The following SCAF11 variants were observed in gnomAD, a reference collection of about 807,000 sequenced individuals.
SCAF11 encodes the protein protein SCAF11.
SCAF11 carries 47 observed loss-of-function variants against 140.5 expected under a neutral mutation model. That is an observed-to-expected ratio of 0.33 (90% CI 0.26 to 0.43). The LOEUF is 0.43. Among genes scored for constraint, SCAF11 ranks in the 20% least tolerant of loss-of-function variants. The pLI, the probability that SCAF11 is intolerant of heterozygous loss-of-function variation, is 1.00. For synonymous variants in SCAF11, 557 were observed against 579.4 expected (o/e 0.96, Z 0.55); for missense variants, 1,645 against 1,705.1 (o/e 0.96, Z 0.62).
Position 45,945,316 on chromosome 12 carries a change from G to A in SCAF11, c.399-3C>T, listed in dbSNP as rs1176036239. 1.3e-6 allele frequency: 2 copies of A among 1,536,476 alleles called. No homozygotes were observed. Among genetic ancestry groups the A allele is most frequent in the African/African-American group, 2.8e-5 (2 of 71,452 alleles). ...CTTCTCTTACGATGGCTTTTCTTCTGTAAACATCAATAAAGACAGGAAAGA... is the reference window on the plus strand; with the variant it reads ...CTTCTCTTACGATGGCTTTTCTTCTATAAACATCAATAAAGACAGGAAAGA... On this transcript the variant is annotated splice_polypyrimidine_tract_variant and splice_region_variant and intron_variant, in intron 5 of 14. Transcript: ENST00000369367.
At chr12:45,940,014 C>T (rs115020580) in intron 6 of SCAF11, among the ~76,000 whole-genome samples, 208 of 152,268 alleles carry the variant, frequency 1.4e-3, no homozygotes, top group African/African-American at 4.4e-3. Context: ...TTTTCTGTTG[C>T]GTGACAGACT....
At chr12:45,931,680 T>G in intron 9 of SCAF11, 68 bp from the exon 10 acceptor site, 1 of 783,100 alleles carries the variant, frequency 1.3e-6, no homozygotes, top group South Asian at 2.2e-5. Flanking sequence ...TTAAAAGTAT[T>G]AATTCTCTAA....
At chr12:45,942,683 T>C (rs976548642) in intron 6 of SCAF11, among the ~76,000 whole-genome samples, 8 of 152,208 alleles carry the variant, frequency 5.3e-5, no homozygotes, top group Non-Finnish European at 8.8e-5. Context: ...GATATCTTCA[T>C]GGCTTAACTT....
At chr12:45,971,296 T>C (rs183492248) in intron 1 of SCAF11, among the ~76,000 whole-genome samples, 2 of 152,218 alleles carry the variant, frequency 1.3e-5, no homozygotes, top group Admixed American at 6.5e-5. Flanking sequence ...AAAGTTGGCA[T>C]TACATTCCAA....
chr12:45,963,484 T>C (rs1448271850), intron 2 of SCAF11, among the ~76,000 whole-genome samples: 1 of 152,162 alleles, frequency 6.6e-6, no homozygotes, highest in Non-Finnish European at 1.5e-5. Context: ...TTCAGAATTA[T>C]ATACCCAGTA....
chr12:45,950,074 A>C (rs1360639718), intron 4 of SCAF11, among the ~76,000 whole-genome samples: 1 of 152,156 alleles, frequency 6.6e-6, no homozygotes, highest in East Asian at 1.9e-4. Flanking sequence ...CCCACAAGAG[A>C]AGGATGTTTT....
intron 1 of SCAF11, among the ~76,000 whole-genome samples, chr12:45,981,732 T>C (rs1339967961): frequency 6.6e-6 from 1 of 152,110 alleles, no homozygotes; most frequent in Non-Finnish European, 1.5e-5. Flanking sequence ...GAGGTTAAGG[T>C]TGCAGGGAAC....
Position 45,927,348 on chromosome 12 carries a change from T to G in SCAF11, c.2353A>C (p.Lys785Gln). ...CTAGATCTTCGAGTACGAGGCTTTTTGGTTTTATCTATGGTATCTTTTGGG... is the reference window on the plus strand; with the variant it reads ...CTAGATCTTCGAGTACGAGGCTTTTGGGTTTTATCTATGGTATCTTTTGGG... ...ESPKDTIDKT[K>Q]KPRTRRSRFH... Residue 785 changes from lysine (K) to glutamine (Q), a missense_variant, in exon 11 of 15, where the codon AAA becomes CAA. Coordinates refer to ENST00000369367, the MANE Select transcript of SCAF11 (RefSeq NM_004719.3). 1 of 1,614,172 alleles carries G rather than the reference T, an allele frequency of 6.2e-7. No homozygotes were observed. Among genetic ancestry groups the G allele is most frequent in the Non-Finnish European group, 8.5e-7 (1 of 1,180,020 alleles).
At position 45,926,019 on chromosome 12, in the gene SCAF11, C is replaced by T. The variant is rs145483884; in HGVS notation, c.3559+123G>A. ...TATATAATGCTAAGTGACTTGTAAA[C>T]AACTAAGGTTCAGCTTATTATAAAA... is the stretch of plus-strand genomic sequence containing the variant. On this transcript the variant is annotated intron_variant, in intron 11 of 14. Transcript: ENST00000369367. 51 of 996,596 alleles carry T rather than the reference C, an allele frequency of 5.1e-5. No homozygotes were observed. The Admixed American group carries it at 1.2e-3, about 23-fold the overall frequency. 61.7% of individuals were successfully genotyped at this position (996,596 alleles called of 1,614,324 possible).
chr12:45,922,062 T>C lies in SCAF11; in HGVS notation c.4378A>G (p.Lys1460Glu). ...KTLEEPVSTEKNIG is the reference protein window; with the variant it reads ...KTLEEPVSTEENIG ...CGTTCCCCATTTCAGCCTATGTTTT[T>C]TTCAGTAGACACAGGTTCTTCCAGA... The change falls in exon 15 of 15, where the codon AAA (lysine) becomes GAA (glutamate). Residue 1460 changes from lysine (K) to glutamate (E), a missense_variant. By Grantham distance (56) the Lys-to-Glu change is moderately conservative. This residue lies in a region of SCAF11 where 63 missense variants were observed against 95.9 expected (regional missense o/e 0.66). Coordinates refer to ENST00000369367, the MANE Select transcript of SCAF11 (RefSeq NM_004719.3). 6.2e-7 allele frequency: 1 copy of C among 1,611,534 alleles called. No homozygotes were observed. The highest frequency in any genetic ancestry group is 2.2e-5 in the East Asian group (1 of 44,836).
upstream of SCAF11, chr12:45,990,725 GTGCA>G (rs1946585030): frequency 1.8e-6 from 1 of 565,626 alleles, no homozygotes. Context: ...CTGGCCCTGA[GTGCA>G]TGTTCGTAGT....
At chr12:45,936,858 G>A (rs1414512388) in intron 6 of SCAF11, among the ~76,000 whole-genome samples, 1 of 152,140 alleles carries the variant, frequency 6.6e-6, no homozygotes, top group African/African-American at 2.4e-5. Context: ...GTTAGTGCAC[G>A]ATGGATAGTT....
rs947242810 is a variant in SCAF11, at chr12:45,990,473, G to A, written c.-142C>T. ...CTTCGTCCGCTTTGTGGTGTTACAGGGTCTCTAGGACACTGACTCCGCTGG... is the reference window on the plus strand; with the variant it reads ...CTTCGTCCGCTTTGTGGTGTTACAGAGTCTCTAGGACACTGACTCCGCTGG... On this transcript the variant is annotated 5_prime_UTR_variant, in exon 1 of 15. Coordinates refer to ENST00000369367, the MANE Select transcript of SCAF11 (RefSeq NM_004719.3). The A allele has an allele frequency of 2.8e-5, 34 of 1,231,632 alleles. No homozygotes were observed. The highest frequency in any genetic ancestry group is 3.1e-4 in the Middle Eastern group (1 of 3,234). The allele number at this position is 1,231,632 out of a possible 1,614,324, so 76.3% of individuals were successfully genotyped here. A position where few individuals can be genotyped will look rare whatever the true frequency, so the allele number is the denominator to read the frequency against.
Position 45,933,231 on chromosome 12 carries a change from T to C in SCAF11, c.634A>G (p.Thr212Ala), listed in dbSNP as rs1945093687. The change falls in exon 9 of 15, where the codon ACA (threonine) becomes GCA (alanine). Residue 212 changes from threonine (T) to alanine (A), a missense_variant and splice_region_variant. Transcript: ENST00000369367. ...ATTTCACTGGCTTCTATAAATTCTG[T>C]ACTAAAAGATAAATTTTAGACCTTC... is the stretch of plus-strand genomic sequence containing the variant. The part of the protein sequence containing the change: ...ESSFTYRAYC[T>A]EFIEASEISA... 10 of 1,600,586 alleles carry C rather than the reference T, an allele frequency of 6.2e-6. No individual in the cohort carries two copies. Among genetic ancestry groups the C allele is most frequent in the Middle Eastern group, 1.7e-4 (1 of 6,008 alleles).
In SCAF11 at chr12:45,928,205, C is replaced by A. The variant is rs759517126; in HGVS notation, c.1496G>T (p.Gly499Val). The stretch of plus-strand genomic sequence containing the variant: ...CAAACACAAAACATTAGCCTCTATA[C>A]CTGTATTCTCGAGTTTTTTAACTTC... ...EGEVKKLENT[G>V]IEANVLCLES... The change falls in exon 11 of 15, where the codon GGT (glycine) becomes GTT (valine). Residue 499 changes from glycine (G) to valine (V), a missense_variant. Physicochemically the swap from Gly to Val is moderately radical, Grantham distance 109 (BLOSUM62 -3). Coordinates refer to ENST00000369367, the MANE Select transcript of SCAF11 (RefSeq NM_004719.3). 3.7e-6 allele frequency: 6 copies of A among 1,613,924 alleles called. No homozygotes were observed. In the South Asian group the frequency reaches 4.4e-5, roughly 12 times the overall value.
At chr12:45,941,331 T>C (rs985993410) in intron 6 of SCAF11, among the ~76,000 whole-genome samples, 2 of 152,230 alleles carry the variant, frequency 1.3e-5, no homozygotes, top group South Asian at 2.1e-4. Flanking sequence ...CTACTTAATG[T>C]TCTGATATAC....
chr12:45,927,020 G>C lies in SCAF11; in HGVS notation c.2681C>G (p.Ser894Cys). 1 of 1,613,840 alleles carries C rather than the reference G, an allele frequency of 6.2e-7. No homozygotes were observed. Among genetic ancestry groups the C allele is most frequent in the East Asian group, 2.2e-5 (1 of 44,884 alleles). ...GGAAGAATCTTTCACTCTTGGCTGA[G>C]ATCTTTTGTTCTCTCTAGAAGTTTC... ...RRETSRENKR[S>C]QPRVKDSSPG... is the part of the protein sequence containing the mutation. Residue 894 changes from serine to cysteine, a missense_variant, in exon 11 of 15, where the codon TCT becomes TGT. By Grantham distance (112) the Ser-to-Cys change is moderately radical (BLOSUM62 -1). Around this residue, in one of 2 missense-constraint regions of SCAF11, gnomAD observed 1,582 missense variants for 1,609.2 expected, o/e 0.98. Coordinates refer to ENST00000369367, the MANE Select transcript of SCAF11 (RefSeq NM_004719.3).
chr12:45,960,759 T>A (rs1945807615), intron 3 of SCAF11: 1 of 152,104 alleles, frequency 6.6e-6, no homozygotes, highest in Non-Finnish European at 1.5e-5. Context: ...CTTTCCACAC[T>A]ATTAATGAAA....
chr12:45,967,883 T>C (rs138292713), intron 1 of SCAF11, among the ~76,000 whole-genome samples: 1 of 152,354 alleles, frequency 6.6e-6, no homozygotes, highest in East Asian at 1.9e-4. Context: ...TCTATCTGCC[T>C]GGACTCCAGT....
Sources: gnomAD v4.1 joint callset for allele counts (sites outside exome capture counted in the v4.1 genomes callset) on GRCh38, gnomAD v4.1.1 for gene constraint, gnomAD v4.1.1 regional missense constraint, MANE v1.5 for transcripts, NCBI Gene and HGNC (gene_info 2026-07-23, HGNC 2026-07-21) for gene names.